Variants in MYPN observed in about 807,000 individuals in gnomAD.
MYPN encodes sarcomeric protein myopalladin, 145 kDa (MYOP).
A neutral mutation model predicts 129.4 loss-of-function variants in MYPN; 63 were observed. The ratio of observed to expected loss-of-function variants is 0.49; its 90% CI spans 0.40 to 0.60. The LOEUF (loss-of-function observed/expected upper bound fraction) is 0.60. Ranked by LOEUF, MYPN falls within the 20% of genes least tolerant of loss-of-function variation. The pLI is 0.00. For missense variants in MYPN, 1,596 were observed against 1,635.4 expected (o/e 0.98, Z 0.42); for synonymous variants, 629 against 600.9 (o/e 1.05, Z -0.68).
chr10:68,135,028 T>C (rs958667974), intron 2 of MYPN, among the ~76,000 whole-genome samples: 1 of 152,112 alleles, frequency 6.6e-6, no homozygotes. Context: ...CTTGGCTCAC[T>C]GCAACCTTTG....
intron 19 of MYPN, among the ~76,000 whole-genome samples, 199 bp from the exon 20 acceptor site, chr10:68,210,086 AC>A (rs2043883535): frequency 6.6e-6 from 1 of 152,228 alleles, no homozygotes; most frequent in South Asian, 2.1e-4. Context: ...TTAAGATATC[AC>A]CAGCACAGTT....
Position 68,210,272 on chromosome 10 carries a change from G to C in MYPN, c.3794-14G>C. On this transcript the variant is annotated splice_polypyrimidine_tract_variant and intron_variant, in intron 19 of 19. Transcript: ENST00000358913. ...TTCCTTTGATCATAACACATTATTT[G>C]GTCCATTTTCCAGCTCAGTGGCACC... The C allele has an allele frequency of 6.2e-7, 1 of 1,612,738 alleles. No individual in the cohort carries two copies. Among genetic ancestry groups the C allele is most frequent in the Admixed American group, 1.7e-5 (1 of 60,002 alleles).
chr10:68,100,846 C>T (rs139035503), intron 1 of MYPN, among the ~76,000 whole-genome samples: 2 of 152,168 alleles, frequency 1.3e-5, no homozygotes, highest in African/African-American at 2.4e-5. Flanking sequence ...GGTGAACATA[C>T]GATCATTTTT....
intron 14 of MYPN, among the ~76,000 whole-genome samples, chr10:68,194,856 T>C (rs897830964): frequency 6.6e-6 from 1 of 152,224 alleles, no homozygotes; most frequent in Non-Finnish European, 1.5e-5. Flanking sequence ...GAACGATCTG[T>C]CATTTTTGTT....
At chr10:68,171,273 T>C (rs1006570524) in intron 10 of MYPN, among the ~76,000 whole-genome samples, 1 of 152,084 alleles carries the variant, frequency 6.6e-6, no homozygotes, top group African/African-American at 2.4e-5. Context: ...AGTGAGATAA[T>C]GTCAGACAAA....
chr10:68,190,070 G>A (rs1189990131), intron 13 of MYPN, among the ~76,000 whole-genome samples: 1 of 152,020 alleles, frequency 6.6e-6, no homozygotes, highest in Non-Finnish European at 1.5e-5. Context: ...TCTAACTCTG[G>A]TGAGATTATA....
chr10:68,096,366 A>G (rs972881561), intron 1 of MYPN, among the ~76,000 whole-genome samples: 11 of 152,226 alleles, frequency 7.2e-5, no homozygotes, highest in African/African-American at 2.7e-4. Flanking sequence ...GTTCAAGACC[A>G]GCCTGGCCAA....
intron 1 of MYPN, among the ~76,000 whole-genome samples, chr10:68,117,334 G>A (rs528171123): frequency 6.6e-6 from 1 of 152,204 alleles, no homozygotes; most frequent in South Asian, 2.1e-4. Flanking sequence ...CTATGTGGGT[G>A]CAGAGACGAT....
intron 12 of MYPN, among the ~76,000 whole-genome samples, chr10:68,183,507 T>G (rs760798226): frequency 2.6e-5 from 4 of 151,936 alleles, no homozygotes; most frequent in Non-Finnish European, 5.9e-5. Context: ...TAATACAGAA[T>G]TTCAGGAATT....
Position 68,184,433 on chromosome 10 carries a change from A to G in MYPN, c.2704-4472A>G, listed in dbSNP as rs114915575. Among the ~76,000 whole-genome samples the G allele has an allele frequency of 5.5e-3, 635 of 116,172 alleles. 6 individuals are homozygous for G. The highest frequency in any genetic ancestry group is 0.018 in the African/African-American group (617 of 35,048). The allele number at this position is 116,172 out of a possible 152,430, so 76.2% of individuals were successfully genotyped here. A position where few individuals can be genotyped will look rare whatever the true frequency, so the allele number is the denominator to read the frequency against. On this transcript the variant is annotated intron_variant, in intron 12 of 19. Coordinates refer to ENST00000358913, the MANE Select transcript of MYPN (RefSeq NM_032578.4). ...ACCCAGATCCTGTGTTAACTGTTGG[A>G]GGCATTTTTTTTTAGACGGAGTTTC... is the stretch of plus-strand genomic sequence containing the variant.
chr10:68,147,363 G>T (rs1214327493), intron 4 of MYPN, among the ~76,000 whole-genome samples: 1 of 152,082 alleles, frequency 6.6e-6, no homozygotes, highest in African/African-American at 2.4e-5. Context: ...CGCCATATTG[G>T]CCAGGCTGGT....
At chr10:68,177,645 A>C (rs937982732) in intron 12 of MYPN, among the ~76,000 whole-genome samples, 14 of 152,196 alleles carry the variant, frequency 9.2e-5, no homozygotes, top group African/African-American at 3.4e-4. Flanking sequence ...TTAAGAAGAA[A>C]GTCAGCTTAG....
At chr10:68,178,769 A>G (rs912945637) in intron 12 of MYPN, among the ~76,000 whole-genome samples, 10 of 151,894 alleles carry the variant, frequency 6.6e-5, no homozygotes, top group Admixed American at 3.9e-4. Context: ...TTCATGACAA[A>G]TGATTTTAAT....
chr10:68,161,592 C>A, intron 7 of MYPN, 137 bp from the exon 8 acceptor site: 1 of 657,022 alleles, frequency 1.5e-6, no homozygotes, highest in Non-Finnish European at 2.7e-6. Context: ...GATCATCTTA[C>A]TTAATATTGT....
upstream of MYPN, among the ~76,000 whole-genome samples, chr10:68,104,311 G>A (rs1317615867): frequency 6.6e-6 from 1 of 152,120 alleles, no homozygotes; most frequent in Admixed American, 6.5e-5. Flanking sequence ...TGGCATATTG[G>A]CATATTTTGA....
At position 68,194,530 on chromosome 10, in the gene MYPN, TG is replaced by T; in HGVS notation, c.3075+19del. On this transcript the variant is annotated intron_variant, in intron 14 of 19. Transcript: ENST00000358913. ...ACCCCCAGGTGGAGACGCAGGGTTCTGCGCTGTGCTGCACTCTGAGGAAGGA... is the reference window on the plus strand; with the variant it reads ...ACCCCCAGGTGGAGACGCAGGGTTCTCGCTGTGCTGCACTCTGAGGAAGGA... The T allele has an allele frequency of 6.2e-7, 1 of 1,612,742 alleles. No homozygotes were observed. Among genetic ancestry groups the T allele is most frequent in the South Asian group, 1.1e-5 (1 of 90,952 alleles).
At chr10:68,123,575 AC>A (rs1474473104) in intron 2 of MYPN, among the ~76,000 whole-genome samples, 1 of 149,612 alleles carries the variant, frequency 6.7e-6, no homozygotes, top group Non-Finnish European at 1.5e-5. Context: ...AGTCCCAGCT[AC>A]TTGAGAGGCT....
upstream of MYPN, among the ~76,000 whole-genome samples, chr10:68,105,884 A>G (rs1217581065): frequency 6.6e-6 from 1 of 152,218 alleles, no homozygotes; most frequent in Non-Finnish European, 1.5e-5. Context: ...ATTTAGACTA[A>G]GGAGAAATCA....
At chr10:68,120,012 C>A (rs1170971635) in intron 1 of MYPN, among the ~76,000 whole-genome samples, 2 of 152,176 alleles carry the variant, frequency 1.3e-5, no homozygotes, top group Admixed American at 6.5e-5. Context: ...GAAGTAAGTT[C>A]TATTATAGGA....
Sources: gnomAD v4.1 joint callset for allele counts (sites outside exome capture counted in the v4.1 genomes callset) on GRCh38, gnomAD v4.1.1 for gene constraint, MANE v1.5 for transcripts, NCBI Gene and HGNC (gene_info 2026-07-23, HGNC 2026-07-21) for gene names.